Variants in SLITRK5 observed in about 807,000 individuals in gnomAD.
SLITRK5 encodes the protein SLIT and NTRK-like protein 5.
Under a neutral mutation model 56.2 loss-of-function variants are expected in SLITRK5, and 23 were observed. The observed-to-expected ratio is 0.41, with a 90% CI of 0.29 to 0.58. The LOEUF (loss-of-function observed/expected upper bound fraction) is 0.58, where lower values mean the gene tolerates loss of function less well. SLITRK5 is among the 20% of genes least tolerant of loss of function. SLITRK5 has a pLI of 0.30. For missense variants in SLITRK5, 1,289 were observed against 1,226.6 expected (o/e 1.05, Z -0.76); for synonymous variants, 637 against 531.8 (o/e 1.20, Z -2.72).
intron 1 of SLITRK5, among the ~76,000 whole-genome samples, chr13:87,674,007 AACACAC>A (rs71101016): frequency 0.25 from 35,799 of 142,464 alleles, 5,056 homozygotes; most frequent in East Asian, 0.73. Flanking sequence ...CGCACACACA[AACACAC>A]ACACACACAC....
At position 87,678,040 on chromosome 13, in the gene SLITRK5, C is replaced by G; in HGVS notation, c.2652C>G (p.Pro884=). 3.1e-6 allele frequency: 5 copies of G among 1,614,044 alleles called. No homozygotes were observed. The highest frequency in any genetic ancestry group is 3.3e-4 in the Middle Eastern group (2 of 6,062). ...LPEYPKFPCS[P]AAYTFSPNYD... is the part of the protein sequence containing the mutation. ...AATATCCCAAATTCCCGTGCAGCCCCGCTGCTTACACTTTCTCCCCCAACT... is the reference window on the plus strand; with the variant it reads ...AATATCCCAAATTCCCGTGCAGCCCGGCTGCTTACACTTTCTCCCCCAACT... Residue 884 remains proline (P), a synonymous_variant, in exon 2 of 2, where the codon CCC becomes CCG. Transcript: ENST00000683689.
rs1221308974 is a variant in SLITRK5, at chr13:87,678,463, A to C, written c.*198A>C. 20 of 606,110 alleles carry C rather than the reference A, an allele frequency of 3.3e-5. No individual in the cohort carries two copies. The highest frequency in any genetic ancestry group is 4.4e-4 in the Middle Eastern group (1 of 2,264). The allele number at this position is 606,110 out of a possible 1,614,324, so 37.5% of individuals were successfully genotyped here. A position where few individuals can be genotyped will look rare whatever the true frequency, so the allele number is the denominator to read the frequency against. ...ATTTACACGTGGGAAACATTTGTGT[A>C]AACTGGGCACATCACTTTCTCTTCT... On this transcript the variant is annotated 3_prime_UTR_variant, in exon 2 of 2. Coordinates refer to ENST00000683689, the MANE Select transcript of SLITRK5 (RefSeq NM_001384609.1).
Position 87,676,337 on chromosome 13 carries a change from G to A in SLITRK5, c.949G>A (p.Ala317Thr). The A allele has an allele frequency of 6.2e-7, 1 of 1,614,092 alleles. No homozygotes were observed. The highest frequency in any genetic ancestry group is 8.5e-7 in the Non-Finnish European group (1 of 1,180,020). Residue 317 changes from alanine to threonine, a missense_variant, in exon 2 of 2, where the codon GCC becomes ACC. Physicochemically the swap from Ala to Thr is moderately conservative, Grantham distance 58 (BLOSUM62 0). Coordinates refer to ENST00000683689, the MANE Select transcript of SLITRK5 (RefSeq NM_001384609.1). ...CACCCCGGCGTCAGTGAATTCTGTG[G>A]CCACTTCTTCCTCTGCTGTTTACAA... ...HTTPASVNSV[A>T]TSSSAVYKPP...
rs1202258798 is a variant in SLITRK5 at position 87,675,676 on chromosome 13, C to G, written c.288C>G (p.Leu96=). Residue 96 remains leucine, a synonymous_variant, in exon 2 of 2, where the codon CTC becomes CTG. Transcript: ENST00000683689. ...TGTCCGGAAACCTTTTGAACCGTCT[C>G]TATCCCAATGAGTTTGTCAATTACA... ...LLLSGNLLNR[L]YPNEFVNYTG... 5 of 1,614,198 alleles carry G rather than the reference C, an allele frequency of 3.1e-6. No homozygotes were observed. Among genetic ancestry groups the G allele is most frequent in the South Asian group, 1.1e-5 (1 of 91,088 alleles).
rs777149211 is a variant in SLITRK5 at position 87,677,336 on chromosome 13, G to A, written c.1948G>A (p.Ala650Thr). The A allele has an allele frequency of 8.1e-6, 13 of 1,613,960 alleles. No homozygotes were observed. Among genetic ancestry groups the A allele is most frequent in the Non-Finnish European group, 2.5e-6 (3 of 1,180,016 alleles). ...AVRLNSTGAP[A>T]SLGAGGGASS... Reference sequence around the variant, plus strand: ...CCGGTTGAATAGCACCGGGGCCCCCGCGAGCTTGGGCGCAGGCGGAGGGGC... The same window carrying A: ...CCGGTTGAATAGCACCGGGGCCCCCACGAGCTTGGGCGCAGGCGGAGGGGC... The change falls in exon 2 of 2, where the codon GCG becomes ACG. Residue 650 changes from alanine to threonine, a missense_variant. Physicochemically the swap from Ala to Thr is moderately conservative, Grantham distance 58. Coordinates refer to ENST00000683689, the MANE Select transcript of SLITRK5 (RefSeq NM_001384609.1). The surrounding 1 kb of genome is among the most constrained non-coding windows in gnomAD (Gnocchi z 4.7).
chr13:87,673,926 A>G (rs1032117065), intron 1 of SLITRK5, among the ~76,000 whole-genome samples: 2 of 152,116 alleles, frequency 1.3e-5, no homozygotes, highest in African/African-American at 4.8e-5. Flanking sequence ...GAGAAAAGGC[A>G]TAGGTTCCTA....
intron 1 of SLITRK5, chr13:87,672,860 T>TG (rs1348856724): frequency 1.9e-5 from 1 of 52,106 alleles, no homozygotes; most frequent in Admixed American, 1.8e-4. Context: ...AAGAGGTGTG[T>TG]GTGTGTGTGT....
rs1877283974 is a variant in SLITRK5, at chr13:87,676,533, T to C, written c.1145T>C (p.Leu382Pro). ...LECPTACSCN[L>P]QISDLGLNVN... is the part of the protein sequence containing the mutation. Reference sequence around the variant, plus strand: ...TGTCCCACCGCGTGCTCTTGCAACCTGCAGATCTCTGATCTGGGCCTCAAC... The same window carrying C: ...TGTCCCACCGCGTGCTCTTGCAACCCGCAGATCTCTGATCTGGGCCTCAAC... The change falls in exon 2 of 2, where the codon CTG (leucine) becomes CCG (proline). Residue 382 changes from leucine to proline, a missense_variant. By Grantham distance (98) the Leu-to-Pro change is moderately conservative. Around this residue, in one of 3 missense-constraint regions of SLITRK5, gnomAD observed 985 missense variants for 906.0 expected, o/e 1.09. Transcript: ENST00000683689. The C allele has an allele frequency of 6.2e-7, 1 of 1,613,994 alleles. No individual in the cohort carries two copies. The highest frequency in any genetic ancestry group is 8.5e-7 in the Non-Finnish European group (1 of 1,180,028).
Position 87,677,290 on chromosome 13 carries a change from C to A in SLITRK5, c.1902C>A (p.Thr634=). ...CCTCTATCCAGGTCCCTGCGAGGAC[C>A]AGCGCCGTGACTCCTGCGGTCCGGT... ...TPSSIQVPAR[T]SAVTPAVRLN... Residue 634 remains threonine (T), a synonymous_variant, in exon 2 of 2, where the codon ACC becomes ACA. Transcript: ENST00000683689. The surrounding 1 kb of genome is among the most constrained non-coding windows in gnomAD (Gnocchi z 4.7). The A allele has an allele frequency of 6.2e-7, 1 of 1,614,192 alleles. No individual in the cohort carries two copies. The highest frequency in any genetic ancestry group is 1.1e-5 in the South Asian group (1 of 91,086).
Position 87,678,648 on chromosome 13 carries a change from C to T in SLITRK5, c.*383C>T. On this transcript the variant is annotated 3_prime_UTR_variant, in exon 2 of 2. Transcript: ENST00000683689. ...ACTCTTCCTCTTTTGCTTCCTCCCC[C>T]TCCCCCGCCCCTGCCCCACCTCTCT... 1 of 185,668 alleles carries T rather than the reference C, an allele frequency of 5.4e-6. No individual in the cohort carries two copies. The allele number at this position is 185,668 out of a possible 1,614,324, so 11.5% of individuals were successfully genotyped here.
At chr13:87,674,614 G>C (rs1444342768) in intron 1 of SLITRK5, among the ~76,000 whole-genome samples, 1 of 152,086 alleles carries the variant, frequency 6.6e-6, no homozygotes, top group African/African-American at 2.4e-5. Flanking sequence ...GTGGTCGCAG[G>C]GCGCTCTCCG....
chr13:87,676,067 G>T lies in SLITRK5; in HGVS notation c.679G>T (p.Val227Phe). 1 of 1,614,170 alleles carries T rather than the reference G, an allele frequency of 6.2e-7. No individual in the cohort carries two copies. Among genetic ancestry groups the T allele is most frequent in the African/African-American group, 1.3e-5 (1 of 75,038 alleles). Residue 227 changes from valine to phenylalanine, a missense_variant, in exon 2 of 2, where the codon GTT becomes TTT. Around this residue, in one of 3 missense-constraint regions of SLITRK5, gnomAD observed 291 missense variants for 286.7 expected, o/e 1.02. Coordinates refer to ENST00000683689, the MANE Select transcript of SLITRK5 (RefSeq NM_001384609.1). The stretch of plus-strand genomic sequence containing the variant: ...GGGGCTCTTGCAGCACATGGATAAA[G>T]TTGTGGAGCTACAGCTGGAGGAAAA... ...YVGLLQHMDK[V>F]VELQLEENPW...
Position 87,675,670 on chromosome 13 carries a change from C to T in SLITRK5, c.282C>T (p.Asn94=), listed in dbSNP as rs1436146371. 1 of 1,614,182 alleles carries T rather than the reference C, an allele frequency of 6.2e-7. No homozygotes were observed. Among genetic ancestry groups the T allele is most frequent in the Non-Finnish European group, 8.5e-7 (1 of 1,180,054 alleles). Residue 94 remains asparagine, a synonymous_variant, in exon 2 of 2, where the codon AAC becomes AAT. Transcript: ENST00000683689. ...TCTTGTTGTCCGGAAACCTTTTGAACCGTCTCTATCCCAATGAGTTTGTCA... is the reference window on the plus strand; with the variant it reads ...TCTTGTTGTCCGGAAACCTTTTGAATCGTCTCTATCCCAATGAGTTTGTCA... ...YHLLLSGNLL[N]RLYPNEFVNY...
chr13:87,677,331 C>T lies in SLITRK5; in HGVS notation c.1943C>T (p.Ala648Val), dbSNP rs769646244. The T allele has an allele frequency of 4.3e-6, 7 of 1,614,060 alleles. No homozygotes were observed. Among genetic ancestry groups the T allele is most frequent in the African/African-American group, 1.3e-5 (1 of 75,066 alleles). ...TPAVRLNSTG[A>V]PASLGAGGGA... ...GCGGTCCGGTTGAATAGCACCGGGG[C>T]CCCCGCGAGCTTGGGCGCAGGCGGA... Residue 648 changes from alanine to valine, a missense_variant, in exon 2 of 2, where the codon GCC becomes GTC. Physicochemically the swap from Ala to Val is moderately conservative, Grantham distance 64. This residue lies in a region of SLITRK5 where 985 missense variants were observed against 906.0 expected (regional missense o/e 1.09). Transcript: ENST00000683689. The surrounding 1 kb of genome is among the most constrained non-coding windows in gnomAD (Gnocchi z 4.7).
Position 87,676,582 on chromosome 13 carries a change from C to A in SLITRK5, c.1194C>A (p.Ile398=), listed in dbSNP as rs1877285781. Residue 398 remains isoleucine, a synonymous_variant, in exon 2 of 2, where the codon ATC becomes ATA. Transcript: ENST00000683689. ...ACGTAAACTGCCAGGAGCGAAAGAT[C>A]GAGAGCATCGCTGAACTGCAGCCCA... is the stretch of plus-strand genomic sequence containing the variant. ...GLNVNCQERK[I]ESIAELQPKP... is the part of the protein sequence containing the mutation. The A allele has an allele frequency of 1.2e-6, 2 of 1,613,934 alleles. No homozygotes were observed. Among genetic ancestry groups the A allele is most frequent in the East Asian group, 2.2e-5 (1 of 44,858 alleles).
At chr13:87,673,633 G>A (rs1302058987) in intron 1 of SLITRK5, 3 of 682,176 alleles carry the variant, frequency 4.4e-6, no homozygotes, top group Admixed American at 4.7e-5. Context: ...GCCGGGAGAC[G>A]TTTACCGTTG....
Position 87,677,248 on chromosome 13 carries a change from T to A in SLITRK5, c.1860T>A (p.Val620=). 6.2e-7 allele frequency: 1 copy of A among 1,614,138 alleles called. No homozygotes were observed. Among genetic ancestry groups the A allele is most frequent in the Non-Finnish European group, 8.5e-7 (1 of 1,180,024 alleles). Residue 620 remains valine (V), a synonymous_variant, in exon 2 of 2, where the codon GTT becomes GTA. Coordinates refer to ENST00000683689, the MANE Select transcript of SLITRK5 (RefSeq NM_001384609.1). This position sits in a 1 kb window ranked among gnomAD's most constrained non-coding sequence, Gnocchi z 4.7. ...GCCCTGACTATTCAGATGTAGTAGT[T>A]TCCACGCCCACACCCTCCTCTATCC... ...LLCPDYSDVV[V]STPTPSSIQV...
In SLITRK5 at chr13:87,675,808, A is replaced by G. The variant is rs763209826; in HGVS notation, c.420A>G (p.Lys140=). ...GLRRLHLNNN[K]LELLRDDTFL... is the part of the protein sequence containing the mutation. ...GGAGATTGCATCTAAACAATAATAA[A>G]CTGGAACTTCTGCGAGATGATACCT... is the stretch of plus-strand genomic sequence containing the variant. The change falls in exon 2 of 2, where the codon AAA becomes AAG. Residue 140 remains lysine, a synonymous_variant. Transcript: ENST00000683689. 3.1e-6 allele frequency: 5 copies of G among 1,614,058 alleles called. No individual in the cohort carries two copies. In the South Asian group the frequency reaches 5.5e-5, roughly 18 times the overall value.
Position 87,678,367 on chromosome 13 carries a change from G to A in SLITRK5, c.*102G>A, listed in dbSNP as rs1877393597. ...TAATTGTGTTGTTTCAACGTTTAGGGTGAAGTGCCTTGGCACGGGATTTCT... is the reference window on the plus strand; with the variant it reads ...TAATTGTGTTGTTTCAACGTTTAGGATGAAGTGCCTTGGCACGGGATTTCT... On this transcript the variant is annotated 3_prime_UTR_variant, in exon 2 of 2. Coordinates refer to ENST00000683689, the MANE Select transcript of SLITRK5 (RefSeq NM_001384609.1). 77 of 1,160,462 alleles carry A rather than the reference G, an allele frequency of 6.6e-5. No individual in the cohort carries two copies. The South Asian group carries it at 1.1e-3, about 17-fold the overall frequency. 71.9% of individuals were successfully genotyped at this position (1,160,462 alleles called of 1,614,324 possible).
Sources: allele counts gnomAD v4.1 joint callset (sites outside exome capture counted in the v4.1 genomes callset), GRCh38; gene constraint gnomAD v4.1.1; regional missense constraint gnomAD v4.1.1; non-coding constraint Gnocchi (gnomAD v3.1); transcripts MANE v1.5; gene names NCBI Gene and HGNC (gene_info 2026-07-23, HGNC 2026-07-21).